The following UCHL5 variants were observed in gnomAD, a reference collection of about 807,000 sequenced individuals.
UCHL5 encodes the protein ubiquitin C-terminal hydrolase L5.
Under a neutral mutation model 53.8 loss-of-function variants are expected in UCHL5, and 34 were observed. The observed-to-expected ratio is 0.63, with a 90% CI of 0.48 to 0.84. The LOEUF is 0.84. UCHL5 is among the 40% of genes least tolerant of loss of function. The pLI is 0.00. For missense variants in UCHL5, 290 were observed against 385.6 expected (o/e 0.75, Z 2.08); for synonymous variants, 111 against 126.3 (o/e 0.88, Z 0.81).
At chr1:193,018,395 C>G in intron 10 of UCHL5, 3 of 524,850 alleles carry the variant, frequency 5.7e-6, no homozygotes, top group Non-Finnish European at 7.3e-6. Context: ...AAATAGAAGT[C>G]TCACAAATGT....
At chr1:193,041,881 G>C (rs1665693858) in intron 3 of UCHL5, among the ~76,000 whole-genome samples, 1 of 152,108 alleles carries the variant, frequency 6.6e-6, no homozygotes, top group Non-Finnish European at 1.5e-5. Context: ...CCAGCACTTT[G>C]TGAGGGCAAA....
At chr1:193,054,929 G>A (rs1670144724) in intron 1 of UCHL5, among the ~76,000 whole-genome samples, 1 of 152,172 alleles carries the variant, frequency 6.6e-6, no homozygotes, top group Admixed American at 6.5e-5. Flanking sequence ...CTGGATTAAT[G>A]CTCTGAGCCA....
At chr1:193,023,975 G>T in intron 7 of UCHL5, 29 bp from the exon 8 acceptor site, 3 of 1,450,568 alleles carry the variant, frequency 2.1e-6, no homozygotes, top group Non-Finnish European at 1.9e-6. Flanking sequence ...AGTTTATAAT[G>T]TAATAAAGAA....
At chr1:193,029,004 A>C (rs1276613839) in intron 6 of UCHL5, among the ~76,000 whole-genome samples, 175 bp downstream of exon 6, 1 of 152,224 alleles carries the variant, frequency 6.6e-6, no homozygotes, top group African/African-American at 2.4e-5. Context: ...TATGGTAGTC[A>C]AGATGTCCTT....
At chr1:193,045,079 G>T (rs1230017730) in intron 3 of UCHL5, among the ~76,000 whole-genome samples, 2 of 151,810 alleles carry the variant, frequency 1.3e-5, no homozygotes, top group Non-Finnish European at 2.9e-5. Flanking sequence ...CTTAAAAGTA[G>T]CTAGGTCTCT....
intron 3 of UCHL5, among the ~76,000 whole-genome samples, chr1:193,035,158 T>C (rs1662907564): frequency 6.6e-6 from 1 of 151,938 alleles, no homozygotes; most frequent in African/African-American, 2.4e-5. Context: ...AAACAAATTA[T>C]TAGTGATAAT....
chr1:193,038,792 T>C (rs1293470509), intron 3 of UCHL5, among the ~76,000 whole-genome samples: 1 of 149,634 alleles, frequency 6.7e-6, no homozygotes, highest in Non-Finnish European at 1.5e-5. Flanking sequence ...GCCCAGGAGT[T>C]TAAGACCAGC....
chr1:193,035,822 T>G (rs139477319), intron 3 of UCHL5, among the ~76,000 whole-genome samples: 2 of 152,022 alleles, frequency 1.3e-5, no homozygotes, highest in Non-Finnish European at 2.9e-5. Context: ...AATACGTATA[T>G]TGACAAAACA....
At chr1:193,057,426 A>T (rs1329608822) in intron 1 of UCHL5, 4 of 154,148 alleles carry the variant, frequency 2.6e-5, no homozygotes, top group Non-Finnish European at 4.4e-5. Context: ...CTGTTGATTT[A>T]AATATAGCAA....
chr1:193,038,654 C>G (rs761251237), intron 3 of UCHL5, among the ~76,000 whole-genome samples: 1 of 152,012 alleles, frequency 6.6e-6, no homozygotes, highest in Non-Finnish European at 1.5e-5. Context: ...TTAGAAAAAC[C>G]TAAAGACCAC....
At chr1:193,027,832 T>A (rs1558038452) in intron 7 of UCHL5, 9 of 1,190,662 alleles carry the variant, frequency 7.6e-6, no homozygotes, top group Non-Finnish European at 1.0e-5. Context: ...CAATCAAAAG[T>A]AGATGTTTGG....
chr1:193,026,427 G>A (rs749978182), intron 7 of UCHL5, among the ~76,000 whole-genome samples: 42 of 152,232 alleles, frequency 2.8e-4, no homozygotes, highest in Middle Eastern at 6.8e-3. Context: ...TCTAAAATAC[G>A]TAAAGAACTT....
chr1:193,046,493 C>G (rs1667361996), intron 3 of UCHL5, among the ~76,000 whole-genome samples: 1 of 151,990 alleles, frequency 6.6e-6, no homozygotes, highest in Non-Finnish European at 1.5e-5. Flanking sequence ...GGTTTGCACC[C>G]TAGCTCTGCC....
intron 1 of UCHL5, among the ~76,000 whole-genome samples, chr1:193,054,489 G>A (rs1670037363): frequency 6.6e-6 from 1 of 152,196 alleles, no homozygotes; most frequent in African/African-American, 2.4e-5. Flanking sequence ...GGCTGATGAT[G>A]TGACCAAATA....
intron 1 of UCHL5, among the ~76,000 whole-genome samples, chr1:193,053,076 A>C (rs1236528843): frequency 6.6e-6 from 1 of 152,234 alleles, no homozygotes; most frequent in Non-Finnish European, 1.5e-5. Flanking sequence ...CTGGTATTAA[A>C]GATACATGTA....
intron 3 of UCHL5, among the ~76,000 whole-genome samples, chr1:193,040,952 T>C (rs988116568): frequency 6.6e-6 from 1 of 152,120 alleles, no homozygotes; most frequent in Non-Finnish European, 1.5e-5. Context: ...ATCTTCAGGA[T>C]AGAAAGTAGA....
intron 3 of UCHL5, among the ~76,000 whole-genome samples, chr1:193,041,752 G>C (rs1665644964): frequency 6.6e-6 from 1 of 152,136 alleles, no homozygotes; most frequent in South Asian, 2.1e-4. Context: ...TGTTAGTGCA[G>C]CTGGTATCAT....
Position 193,014,786 on chromosome 1 carries a change from T to C in UCHL5, c.*1565A>G, listed in dbSNP as rs775809892. 1 of 152,086 alleles carries C rather than the reference T, an allele frequency of 6.6e-6. No homozygotes were observed. Among genetic ancestry groups the C allele is most frequent in the Non-Finnish European group, 1.5e-5 (1 of 67,992 alleles). The allele number at this position is 152,086 out of a possible 1,614,324, so 9.4% of individuals were successfully genotyped here. On this transcript the variant is annotated 3_prime_UTR_variant, in exon 11 of 11. Transcript: ENST00000367454. ...TGATCTGTTTTCAGGCTCTCTCTTC[T>C]GTTCCATTGCTTTATTTGTCAATCC... is the stretch of plus-strand genomic sequence containing the variant.
At chr1:193,019,491 T>C (rs1158187806) in intron 10 of UCHL5, among the ~76,000 whole-genome samples, 2 of 151,656 alleles carry the variant, frequency 1.3e-5, no homozygotes, top group African/African-American at 4.8e-5. Flanking sequence ...AAGAAATAAA[T>C]CTATCTCAAT....
Sources: gnomAD v4.1 joint callset for allele counts (sites outside exome capture counted in the v4.1 genomes callset) on GRCh38, gnomAD v4.1.1 for gene constraint, MANE v1.5 for transcripts, NCBI Gene and HGNC (gene_info 2026-07-23, HGNC 2026-07-21) for gene names.